Variants in UBE4A observed in about 807,000 individuals in gnomAD.
UBE4A encodes ubiquitin conjugation factor E4 A.
A neutral mutation model predicts 117.9 loss-of-function variants in UBE4A; 48 were observed. That is an observed-to-expected ratio of 0.41 (90% CI 0.32 to 0.52). The LOEUF is 0.52. Among genes scored for constraint, UBE4A ranks in the 20% least tolerant of loss-of-function variants. The probability of loss-of-function intolerance (pLI) is 0.33; values close to 1 mark genes in which losing one functional copy is unlikely to be tolerated. For missense variants in UBE4A, 1,067 were observed against 1,296.3 expected (o/e 0.82, Z 2.72); for synonymous variants, 407 against 450.0 (o/e 0.90, Z 1.21).
rs1555125988 is a variant in UBE4A, at chr11:118,379,740, T to G, written c.1866T>G (p.Ala622=). 2 of 1,606,704 alleles carry G rather than the reference T, an allele frequency of 1.2e-6. No individual in the cohort carries two copies. Among genetic ancestry groups the G allele is most frequent in the Non-Finnish European group, 1.7e-6 (2 of 1,173,694 alleles). Residue 622 remains alanine (A), a synonymous_variant, in exon 11 of 20, where the codon GCT becomes GCG. Coordinates refer to ENST00000252108, the MANE Select transcript of UBE4A (RefSeq NM_001204077.2). ...TGCCAGATGGCTACAGCTCTTTGGC[T>G]TATGTGCCAGGTAAGCAGGCTCTCC... ...FPLPDGYSSL[A]YVPEFFADNL...
chr11:118,389,849 T>C lies in UBE4A; in HGVS notation c.2712T>C (p.Phe904=). Residue 904 remains phenylalanine (F), a synonymous_variant, in exon 17 of 20, where the codon TTT becomes TTC. Transcript: ENST00000252108. Reference sequence around the variant, plus strand: ...TAAAAGTCAAGGACTTCAGCGAATTTGACTTCAAACCCCAGCAGCTTGTAT... The same window carrying C: ...TAAAAGTCAAGGACTTCAGCGAATTCGACTTCAAACCCCAGCAGCTTGTAT... ...GALKVKDFSE[F]DFKPQQLVSD... The C allele has an allele frequency of 6.2e-7, 1 of 1,613,742 alleles. No homozygotes were observed. The highest frequency in any genetic ancestry group is 8.5e-7 in the Non-Finnish European group (1 of 1,179,694).
chr11:118,374,802 A>C (rs1948636901), intron 8 of UBE4A, 94 bp from the exon 9 acceptor site: 1 of 1,160,988 alleles, frequency 8.6e-7, no homozygotes, highest in African/African-American at 1.6e-5. Flanking sequence ...GATTAGGATT[A>C]GCATATTTTT....
At chr11:118,394,805 C>CA (rs767108134) in intron 19 of UBE4A, among the ~76,000 whole-genome samples, 11 of 151,456 alleles carry the variant, frequency 7.3e-5, no homozygotes, top group Non-Finnish European at 1.6e-4. Context: ...TATATCTCTA[C>CA]AAAAAATTAT....
At chr11:118,374,723 C>CT (rs1245837216) in intron 8 of UBE4A, among the ~76,000 whole-genome samples, 173 bp from the exon 9 acceptor site, 8 of 152,174 alleles carry the variant, frequency 5.3e-5, no homozygotes, top group Non-Finnish European at 1.0e-4. Flanking sequence ...ATCAGAAAAT[C>CT]TCTTATAAGT....
At chr11:118,359,972 G>A (rs1196085495) in intron 1 of UBE4A, among the ~76,000 whole-genome samples, 1 of 152,240 alleles carries the variant, frequency 6.6e-6, no homozygotes, top group South Asian at 2.1e-4. Context: ...ACTTTCTCTA[G>A]AACGTGCCCC....
At chr11:118,391,064 T>G (rs562594954) in intron 18 of UBE4A, among the ~76,000 whole-genome samples, 1 of 152,330 alleles carries the variant, frequency 6.6e-6, no homozygotes, top group African/African-American at 2.4e-5. Flanking sequence ...GTGCTGATTT[T>G]TACTCTATTT....
At chr11:118,385,876 C>T (rs892252032) in intron 15 of UBE4A, among the ~76,000 whole-genome samples, 21 of 152,286 alleles carry the variant, frequency 1.4e-4, no homozygotes, top group African/African-American at 4.3e-4. Context: ...CCCTTTTAAG[C>T]AAGAGGTGTG....
chr11:118,392,636 C>T (rs782678939), intron 18 of UBE4A, 102 bp from the exon 19 acceptor site: 4 of 1,141,466 alleles, frequency 3.5e-6, no homozygotes, highest in Non-Finnish European at 5.0e-6. Context: ...TTATTAATGA[C>T]CTGTTTTTTT....
chr11:118,368,513 G>C (rs1260552549), intron 2 of UBE4A, 118 bp from the exon 3 acceptor site: 5 of 1,179,374 alleles, frequency 4.2e-6, no homozygotes, highest in Non-Finnish European at 6.1e-6. Flanking sequence ...CTAATTAGAT[G>C]ATTAGCTTGT....
At chr11:118,385,840 C>G (rs1430552617) in intron 15 of UBE4A, among the ~76,000 whole-genome samples, 2 of 152,108 alleles carry the variant, frequency 1.3e-5, no homozygotes, top group African/African-American at 4.8e-5. Context: ...TCTTCAAAAG[C>G]GAGAATAGGT....
intron 11 of UBE4A, among the ~76,000 whole-genome samples, chr11:118,381,088 C>T (rs1362186639): frequency 6.6e-6 from 1 of 152,182 alleles, no homozygotes; most frequent in African/African-American, 2.4e-5. Context: ...ATTAGAGAGT[C>T]CTCACACATC....
intron 16 of UBE4A, among the ~76,000 whole-genome samples, chr11:118,388,648 CAA>C (rs59525448): frequency 6.1e-5 from 7 of 115,192 alleles, no homozygotes; most frequent in Non-Finnish European, 3.5e-5. Context: ...GACTCTATCT[CAA>C]AAAAAAAAAA....
At position 118,396,547 on chromosome 11, in the gene UBE4A, C is replaced by CTTTTTTTTTTTTTTTTTT. The variant is rs5795126; in HGVS notation, c.*108_*125dup. Reference sequence around the variant, plus strand: ...TCCTTTTCTTTCTTCTTTTCTTTTTCTTTTTTTTTTTTTTTTTTACTAAAT... The same window carrying CTTTTTTTTTTTTTTTTTT: ...TCCTTTTCTTTCTTCTTTTCTTTTTCTTTTTTTTTTTTTTTTTTTTTTTTTTTTTTTTTTTTACTAAAT... On this transcript the variant is annotated 3_prime_UTR_variant, in exon 20 of 20. Coordinates refer to ENST00000252108, the MANE Select transcript of UBE4A (RefSeq NM_001204077.2). The CTTTTTTTTTTTTTTTTTT allele has an allele frequency of 7.3e-6, 6 of 817,892 alleles. No individual in the cohort carries two copies. Among genetic ancestry groups the CTTTTTTTTTTTTTTTTTT allele is most frequent in the Admixed American group, 4.7e-5 (1 of 21,092 alleles). The allele number at this position is 817,892 out of a possible 1,614,324, so 50.7% of individuals were successfully genotyped here.
intron 17 of UBE4A, 55 bp downstream of exon 17, chr11:118,389,960 T>G: frequency 2.1e-6 from 3 of 1,457,832 alleles, no homozygotes; most frequent in Non-Finnish European, 9.2e-7. Flanking sequence ...GATTTAGGGT[T>G]TTGATAGTAG....
chr11:118,372,087 T>G (rs1948614686), intron 5 of UBE4A, among the ~76,000 whole-genome samples: 1 of 152,052 alleles, frequency 6.6e-6, no homozygotes, highest in South Asian at 2.1e-4. Flanking sequence ...TGGCAAAACC[T>G]TTACTGAAAA....
In UBE4A at chr11:118,381,324, T is replaced by C; in HGVS notation, c.1877-67T>C. On this transcript the variant is annotated intron_variant, in intron 11 of 19. Transcript: ENST00000252108. ...TTCATTAAGTAGGGTGAAAGGAATT[T>C]AAATGTTGTTTATTAGTACAGATAT... is the stretch of plus-strand genomic sequence containing the variant. 6 of 1,568,496 alleles carry C rather than the reference T, an allele frequency of 3.8e-6. No homozygotes were observed. The South Asian group carries it at 7.0e-5, about 18-fold the overall frequency.
At chr11:118,361,009 T>TGTA (rs1434331459) in intron 1 of UBE4A, among the ~76,000 whole-genome samples, 17 of 89,672 alleles carry the variant, frequency 1.9e-4, no homozygotes, top group African/African-American at 5.7e-4. Flanking sequence ...TGTGTGTGTA[T>TGTA]TTTTTTTTTT....
chr11:118,360,407 C>T (rs1948511220), intron 1 of UBE4A, among the ~76,000 whole-genome samples: 1 of 152,200 alleles, frequency 6.6e-6, no homozygotes, highest in African/African-American at 2.4e-5. Context: ...ACTTGAGATC[C>T]TTCTAGGCTG....
Position 118,373,671 on chromosome 11 carries a change from G to A in UBE4A, c.1102G>A (p.Ala368Thr). ...CCCCCAGGAGATCAAAGTACAGGAG[G>A]CCAACATCCATCAGGTGGAACTGTT... Reference protein sequence around the residue: ...SSPQEIKVQEANIHQFMAQFH... With the variant: ...SSPQEIKVQETNIHQFMAQFH... Residue 368 changes from alanine to threonine, a missense_variant, in exon 8 of 20, where the codon GCC becomes ACC. Ala to Thr is a moderately conservative substitution (Grantham distance 58). Coordinates refer to ENST00000252108, the MANE Select transcript of UBE4A (RefSeq NM_001204077.2). The A allele has an allele frequency of 6.2e-7, 1 of 1,613,704 alleles. No individual in the cohort carries two copies. Among genetic ancestry groups the A allele is most frequent in the Non-Finnish European group, 8.5e-7 (1 of 1,179,800 alleles).
Sources: gnomAD v4.1 joint callset for allele counts (sites outside exome capture counted in the v4.1 genomes callset) on GRCh38, gnomAD v4.1.1 for gene constraint, MANE v1.5 for transcripts, NCBI Gene and HGNC (gene_info 2026-07-23, HGNC 2026-07-21) for gene names.